NAV2: variants seen among roughly 807,000 people sequenced by gnomAD.
NAV2 encodes the protein neuron navigator 2, also known as helicase, APC down-regulated 1.
In NAV2, 54 loss-of-function variants were observed where a neutral mutation model predicts 223.2. The observed-to-expected ratio is 0.24, with a 90% CI of 0.19 to 0.30. The LOEUF is 0.30. Ranked by LOEUF, NAV2 falls within the 10% of genes least tolerant of loss-of-function variation. NAV2 has a pLI of 1.00. For missense variants in NAV2, 2,806 were observed against 3,147.5 expected, an observed-to-expected ratio of 0.89 and a Z score of 2.60; for synonymous variants, 1,279 against 1,239.3, an observed-to-expected ratio of 1.03 and a Z score of -0.67.
rs148462358 is a variant in NAV2, at chr11:19,603,500, G to A, written c.76-228984G>A. ...AAATTACCCTGGCATGGTGGCATGC[G>A]CCTGTAGTCCCAGCTACTTGGGAGG... On this transcript the variant is annotated intron_variant, in intron 1 of 37. Coordinates refer to the NAV2 transcript ENST00000360655. 3.7e-3 allele frequency among the ~76,000 whole-genome samples: 566 copies of A among 151,988 alleles called. 1 individual carries two copies. Among genetic ancestry groups the A allele is most frequent in the South Asian group, 0.023 (110 of 4,816 alleles).
chr11:19,967,829 C>T (rs1339713877), intron 10 of NAV2, among the ~76,000 whole-genome samples: 1 of 152,194 alleles, frequency 6.6e-6, no homozygotes, highest in Non-Finnish European at 1.5e-5. Context: ...CCAGAGGAAT[C>T]ATTACAGCTG....
intron 1 of NAV2, among the ~76,000 whole-genome samples, chr11:19,617,393 A>G (rs181340022): frequency 7.2e-5 from 11 of 152,256 alleles, no homozygotes; most frequent in Admixed American, 6.5e-5. Context: ...TAAGCCAGTA[A>G]TCAGCCCTCT....
intron 1 of NAV2, among the ~76,000 whole-genome samples, chr11:19,496,362 T>C (rs2042793007): frequency 6.6e-6 from 1 of 152,234 alleles, no homozygotes; most frequent in Admixed American, 6.5e-5. Flanking sequence ...CTCATGAGGT[T>C]GCATTCAAGA....
chr11:19,487,756 G>A (rs920988941), intron 1 of NAV2, among the ~76,000 whole-genome samples: 22 of 152,096 alleles, frequency 1.4e-4, no homozygotes, highest in South Asian at 4.2e-4. Flanking sequence ...ACTTTGACAG[G>A]GTTTAGATGC....
intron 1 of NAV2, among the ~76,000 whole-genome samples, chr11:19,774,569 T>C (rs917427076): frequency 6.6e-6 from 1 of 152,162 alleles, no homozygotes; most frequent in African/African-American, 2.4e-5. Flanking sequence ...ATTTGTCCAT[T>C]TTCTTACTAG....
chr11:19,813,373 C>T (rs1207544405), intron 1 of NAV2, among the ~76,000 whole-genome samples: 1 of 152,182 alleles, frequency 6.6e-6, no homozygotes, highest in African/African-American at 2.4e-5. Context: ...TCATGCCCAG[C>T]TTTTGCCAAG....
upstream of NAV2, among the ~76,000 whole-genome samples, chr11:19,346,412 C>T (rs2133664674): frequency 6.6e-6 from 1 of 152,354 alleles, no homozygotes; most frequent in East Asian, 1.9e-4. Flanking sequence ...CTCTCGCTCT[C>T]CCACGCTCCG....
exon 1 of NAV2, chr11:19,350,985 G>A: frequency 6.4e-7 from 1 of 1,551,748 alleles, no homozygotes. Context: ...GCCAACAGCA[G>A]AAGAGAAAGC....
At chr11:19,673,939 C>T (rs979365646) in intron 1 of NAV2, among the ~76,000 whole-genome samples, 2 of 152,186 alleles carry the variant, frequency 1.3e-5, no homozygotes, top group Non-Finnish European at 2.9e-5. Flanking sequence ...GTTTTTATGA[C>T]ACTTCAGTGT....
At chr11:19,677,174 CA>C (rs2048739323) in intron 1 of NAV2, among the ~76,000 whole-genome samples, 1 of 152,248 alleles carries the variant, frequency 6.6e-6, no homozygotes, top group African/African-American at 2.4e-5. Context: ...TGCCACTTGG[CA>C]CCCTGCACAA....
intron 25 of NAV2, 81 bp downstream of exon 25, chr11:20,080,290 C>A (rs1433367442): frequency 7.4e-7 from 1 of 1,343,606 alleles, no homozygotes; most frequent in Admixed American, 2.0e-5. Flanking sequence ...CAGATAAAGT[C>A]CAGCCCAGCT....
In NAV2 at chr11:19,968,113, A is replaced by G. The variant is rs576359548; in HGVS notation, c.2646-16012A>G. 7.0e-3 allele frequency among the ~76,000 whole-genome samples: 642 copies of G among 92,128 alleles called. 1 individual carries two copies. Among genetic ancestry groups the G allele is most frequent in the African/African-American group, 0.019 (612 of 32,516 alleles). The allele number at this position is 92,128 out of a possible 152,430, so 60.4% of individuals were successfully genotyped here. On this transcript the variant is annotated intron_variant, in intron 10 of 37. Coordinates refer to ENST00000349880, the MANE Select transcript of NAV2 (RefSeq NM_145117.5). ...ACCGCTGGAAACACAGTGTCTGCAC[A>G]CCAGCTGAGATGTTCATGAACTTTA...
intron 1 of NAV2, among the ~76,000 whole-genome samples, chr11:19,357,075 C>T (rs547764513): frequency 2.2e-4 from 33 of 152,294 alleles, no homozygotes; most frequent in Non-Finnish European, 4.6e-4. Context: ...ACCTGGCTTC[C>T]AGAAACCAAA....
At chr11:19,982,767 T>C (rs2050413872) in intron 10 of NAV2, among the ~76,000 whole-genome samples, 1 of 152,168 alleles carries the variant, frequency 6.6e-6, no homozygotes, top group Non-Finnish European at 1.5e-5. Context: ...TCTCTGCCCC[T>C]TACTTGAACT....
At chr11:19,570,879 G>A (rs768372592) in intron 1 of NAV2, among the ~76,000 whole-genome samples, 2 of 152,188 alleles carry the variant, frequency 1.3e-5, no homozygotes, top group Non-Finnish European at 2.9e-5. Flanking sequence ...ACAGTTGATG[G>A]TATTTCAAAA....
intron 1 of NAV2, among the ~76,000 whole-genome samples, chr11:19,776,676 G>GTGTGTGTGTGTGTGT (rs61624701): frequency 6.1e-5 from 9 of 147,660 alleles, no homozygotes; most frequent in Non-Finnish European, 9.0e-5. Context: ...GTGTGTGTGT[G>GTGTGTGTGTGTGTGT]GTTAGAGTTG....
chr11:19,652,570 C>T (rs1170748585), intron 1 of NAV2, among the ~76,000 whole-genome samples: 1 of 152,188 alleles, frequency 6.6e-6, no homozygotes, highest in Non-Finnish European at 1.5e-5. Flanking sequence ...CACCACTGCC[C>T]TTTTCTCCCT....
chr11:19,911,573 G>T (rs1591199026), intron 6 of NAV2, among the ~76,000 whole-genome samples: 1 of 152,324 alleles, frequency 6.6e-6, no homozygotes, highest in East Asian at 1.9e-4. Context: ...AGAATTGAGA[G>T]GACGGTGGCC....
intron 26 of NAV2, 21 bp from the exon 27 acceptor site, chr11:20,090,844 G>A (rs2060793154): frequency 1.2e-6 from 2 of 1,612,254 alleles, no homozygotes; most frequent in East Asian, 4.5e-5. Flanking sequence ...GCTTTCATCA[G>A]TAACATTCCT....
Sources: allele counts gnomAD v4.1 joint callset (sites outside exome capture counted in the v4.1 genomes callset), GRCh38; gene constraint gnomAD v4.1.1; transcripts MANE v1.5; gene names NCBI Gene and HGNC (gene_info 2026-07-23, HGNC 2026-07-21).